PRKN: variants seen among roughly 807,000 people sequenced by gnomAD.
PRKN encodes parkin RBR E3 ubiquitin protein ligase, also known as E3 ubiquitin-protein ligase parkin.
A neutral mutation model predicts 59.5 loss-of-function variants in PRKN; 56 were observed. The ratio of observed to expected loss-of-function variants is 0.94; its 90% confidence interval spans 0.76 to 1.18. The LOEUF is 1.18. PRKN is among the 50% of genes most tolerant of loss of function. PRKN has a pLI of 0.00. For missense variants in PRKN, 657 were observed against 596.4 expected (o/e 1.10, Z -1.06); for synonymous variants, 250 against 222.1 (o/e 1.13, Z -1.12).
chr6:161,757,933 G>GTATATATATATATA lies in PRKN; in HGVS notation c.871+27838_871+27839insTATATATATATATA, dbSNP rs1415902228. On this transcript the variant is annotated intron_variant, in intron 7 of 11. Transcript: ENST00000366898. ...CACACACACACACATCTCTCTCTCT[G>GTATATATATATATA]TATATATATGTATATATATATACAG... 1.9e-3 allele frequency among the ~76,000 whole-genome samples: 196 copies of GTATATATATATATA among 101,430 alleles called. 2 individuals carry two copies. The highest frequency in any genetic ancestry group is 6.9e-3 in the South Asian group (19 of 2,768). 66.5% of individuals were successfully genotyped at this position (101,430 alleles called of 152,430 possible). A position where few individuals can be genotyped will look rare whatever the true frequency, so the allele number is the denominator to read the frequency against.
At chr6:162,693,791 T>TA (rs1777868581) in intron 1 of PRKN, among the ~76,000 whole-genome samples, 1 of 152,188 alleles carries the variant, frequency 6.6e-6, no homozygotes, top group African/African-American at 2.4e-5. Context: ...GTGACTAAAA[T>TA]AATCATTCAA....
Position 161,448,809 on chromosome 6 carries a change from C to A in PRKN, c.1084-61932G>T, listed in dbSNP as rs913401367. ...CCCTTTCGTTTCTTTGCTGGACAAT[C>A]CTTATAAGCTGGAGTCCAAGTTAAC... On this transcript the variant is annotated intron_variant, in intron 9 of 11. Coordinates refer to ENST00000366898, the MANE Select transcript of PRKN (RefSeq NM_004562.3). The surrounding 1 kb of genome is among the most constrained non-coding windows in gnomAD (Gnocchi z 5.1). Among the ~76,000 whole-genome samples the A allele has an allele frequency of 1.3e-5, 2 of 152,182 alleles. No individual in the cohort carries two copies. The highest frequency in any genetic ancestry group is 4.8e-5 in the African/African-American group (2 of 41,442).
chr6:161,891,060 C>CGCTG (rs1306592054), intron 6 of PRKN, among the ~76,000 whole-genome samples: 1 of 152,180 alleles, frequency 6.6e-6, no homozygotes, highest in Non-Finnish European at 1.5e-5. Context: ...TAACAATCAC[C>CGCTG]GCTGTAATAG....
chr6:162,095,701 C>T (rs557795276), intron 4 of PRKN, among the ~76,000 whole-genome samples: 1 of 152,066 alleles, frequency 6.6e-6, no homozygotes, highest in Non-Finnish European at 1.5e-5. Flanking sequence ...TATACTGATG[C>T]AAACTTAATA....
At chr6:162,111,396 C>T (rs372806838) in intron 4 of PRKN, among the ~76,000 whole-genome samples, 1 of 151,938 alleles carries the variant, frequency 6.6e-6, no homozygotes, top group East Asian at 1.9e-4. Context: ...ACCTGGGAGG[C>T]AGAGCTTGCA....
intron 2 of PRKN, among the ~76,000 whole-genome samples, chr6:162,429,025 T>C (rs1415727691): frequency 6.6e-6 from 1 of 152,228 alleles, no homozygotes; most frequent in East Asian, 1.9e-4. Flanking sequence ...TTTAATTCTT[T>C]CCAAGCACTT....
intron 2 of PRKN, among the ~76,000 whole-genome samples, chr6:162,276,480 AT>A (rs981907713): frequency 6.6e-6 from 1 of 152,206 alleles, no homozygotes; most frequent in East Asian, 1.9e-4. Context: ...ACTTGCATTC[AT>A]TTTTTTGACT....
At chr6:161,813,353 C>T (rs934640519) in intron 6 of PRKN, among the ~76,000 whole-genome samples, 1 of 152,134 alleles carries the variant, frequency 6.6e-6, no homozygotes, top group Non-Finnish European at 1.5e-5. Flanking sequence ...CCAGCCTCAC[C>T]GGGCTGCGGC....
intron 2 of PRKN, among the ~76,000 whole-genome samples, chr6:162,439,124 C>A (rs1322766576): frequency 1.3e-5 from 2 of 152,154 alleles, no homozygotes; most frequent in African/African-American, 4.8e-5. Flanking sequence ...AGAGGCTCTC[C>A]ACTCAGCCTT....
At chr6:162,139,380 C>T (rs1781684394) in intron 4 of PRKN, among the ~76,000 whole-genome samples, 1 of 152,126 alleles carries the variant, frequency 6.6e-6, no homozygotes, top group Admixed American at 6.5e-5. Context: ...GAGCGGACAA[C>T]TGTGGAAATA....
chr6:162,171,625 C>T (rs1486643550), intron 4 of PRKN, among the ~76,000 whole-genome samples: 9 of 152,076 alleles, frequency 5.9e-5, no homozygotes, highest in African/African-American at 1.9e-4. Flanking sequence ...GGGCTGCACA[C>T]GCCTGACACA....
intron 2 of PRKN, among the ~76,000 whole-genome samples, chr6:162,352,434 A>C (rs1784662562): frequency 1.3e-5 from 2 of 152,162 alleles, no homozygotes; most frequent in African/African-American, 2.4e-5. Flanking sequence ...AAGACTGTTG[A>C]GTTCAGCGTC....
chr6:161,507,596 G>A (rs916008083), intron 9 of PRKN, among the ~76,000 whole-genome samples: 8 of 152,124 alleles, frequency 5.3e-5, no homozygotes, highest in South Asian at 2.1e-4. Flanking sequence ...GGCCCAGCAC[G>A]CAGCTGTTCA....
intron 1 of PRKN, among the ~76,000 whole-genome samples, chr6:162,486,830 G>C (rs1189122497): frequency 6.6e-6 from 1 of 152,144 alleles, no homozygotes; most frequent in Non-Finnish European, 1.5e-5. Flanking sequence ...AGCATATTGG[G>C]AGGCCGAGGT....
At chr6:162,411,033 T>C (rs1039702270) in intron 2 of PRKN, among the ~76,000 whole-genome samples, 1 of 152,208 alleles carries the variant, frequency 6.6e-6, no homozygotes, top group Admixed American at 6.5e-5. Context: ...GAAATGAACA[T>C]ATTCATATAG....
rs1777748034 is a variant in PRKN, at chr6:162,053,827, T to C, written c.618+264A>G. On this transcript the variant is annotated intron_variant, in intron 5 of 11. Transcript: ENST00000366898. ...ACCTCTCCTTTTCCTTCTATGGATA[T>C]AACTTTGCAATGAGTTTAAATTGGC... Among the ~76,000 whole-genome samples the C allele has an allele frequency of 2.0e-5, 3 of 152,202 alleles. No homozygotes were observed. The South Asian group carries it at 6.2e-4, about 31-fold the overall frequency.
chr6:162,520,486 C>A (rs1778041125), intron 1 of PRKN, among the ~76,000 whole-genome samples: 1 of 152,162 alleles, frequency 6.6e-6, no homozygotes, highest in African/African-American at 2.4e-5. Flanking sequence ...CCAAGTGCTG[C>A]TATTCTCTTG....
chr6:161,856,361 A>AAAATAAAGAAAGAAATAAATAAAT (rs76955526), intron 6 of PRKN, among the ~76,000 whole-genome samples: 1 of 149,352 alleles, frequency 6.7e-6, no homozygotes, highest in African/African-American at 2.5e-5. Context: ...ATGCCATCTC[A>AAAATAAAGAAAGAAATAAATAAAT]AAATAAATAA....
Position 161,470,782 on chromosome 6 carries a change from C to T in PRKN, c.1083+78072G>A, listed in dbSNP as rs900816633. The stretch of plus-strand genomic sequence containing the variant: ...TCCAGTGATGTGCCTACCCTGAGCC[C>T]GAAGGCTGCCTGAAGGGCTGCCACA... On this transcript the variant is annotated intron_variant, in intron 9 of 11. Transcript: ENST00000366898. The surrounding 1 kb of genome is among the most constrained non-coding windows in gnomAD (Gnocchi z 5.1). 3.3e-5 allele frequency among the ~76,000 whole-genome samples: 5 copies of T among 152,138 alleles called. No individual in the cohort carries two copies. The highest frequency in any genetic ancestry group is 9.7e-5 in the African/African-American group (4 of 41,414).
Sources: allele counts gnomAD v4.1 joint callset (sites outside exome capture counted in the v4.1 genomes callset), GRCh38; gene constraint gnomAD v4.1.1; non-coding constraint Gnocchi (gnomAD v3.1); transcripts MANE v1.5; gene names NCBI Gene and HGNC (gene_info 2026-07-23, HGNC 2026-07-21).